The following UNC13C variants were observed in gnomAD, a reference collection of about 807,000 sequenced individuals.
UNC13C encodes the protein unc-13 homolog C.
Under a neutral mutation model 245.4 loss-of-function variants are expected in UNC13C, and 174 were observed. The ratio of observed to expected loss-of-function variants is 0.71; its 90% CI spans 0.63 to 0.80. The LOEUF (loss-of-function observed/expected upper bound fraction) is 0.80. Ranked by LOEUF, UNC13C falls within the 30% of genes least tolerant of loss-of-function variation. The probability of loss-of-function intolerance (pLI) is 0.00; values close to 1 mark genes in which losing one functional copy is unlikely to be tolerated. For missense variants in UNC13C, 2,829 were observed against 2,602.9 expected, an observed-to-expected ratio of 1.09 and a Z score of -1.89; for synonymous variants, 992 against 895.1, an observed-to-expected ratio of 1.11 and a Z score of -1.93.
intron 4 of UNC13C, among the ~76,000 whole-genome samples, chr15:54,199,117 G>C (rs182557888): frequency 7.5e-4 from 114 of 151,970 alleles, no homozygotes; most frequent in African/African-American, 2.7e-3. Context: ...CAGGCTTTCC[G>C]AGTTAACCCA....
At chr15:54,590,672 C>A (rs533106941) in intron 30 of UNC13C, among the ~76,000 whole-genome samples, 1 of 152,216 alleles carries the variant, frequency 6.6e-6, no homozygotes, top group Admixed American at 6.5e-5. Flanking sequence ...AATTCCTTTA[C>A]CAGTTGTATG....
chr15:54,220,396 T>A (rs1315116448), intron 4 of UNC13C, among the ~76,000 whole-genome samples: 1 of 131,586 alleles, frequency 7.6e-6, no homozygotes, highest in African/African-American at 3.0e-5. Context: ...AATTGAACAA[T>A]GAGAACACAT....
intron 4 of UNC13C, among the ~76,000 whole-genome samples, chr15:54,223,276 G>A (rs1010729492): frequency 6.6e-6 from 1 of 152,078 alleles, no homozygotes; most frequent in Non-Finnish European, 1.5e-5. Flanking sequence ...CGTATACGGT[G>A]AGGGATAGGA....
intron 2 of UNC13C, among the ~76,000 whole-genome samples, chr15:54,111,239 A>G (rs1043845795): frequency 6.6e-6 from 1 of 152,220 alleles, no homozygotes; most frequent in Non-Finnish European, 1.5e-5. Context: ...GTGGCTTCCC[A>G]TAATGCTGAG....
chr15:53,884,559 T>G, the UNC13C span, among the ~76,000 whole-genome samples: 1 of 152,146 alleles, frequency 6.6e-6, no homozygotes, highest in Non-Finnish European at 1.5e-5. Flanking sequence ...AGTCTCAAAC[T>G]TCTGGCCTGA....
chr15:54,567,287 T>G (rs1897556837), intron 29 of UNC13C, among the ~76,000 whole-genome samples: 1 of 152,158 alleles, frequency 6.6e-6, no homozygotes, highest in Admixed American at 6.6e-5. Context: ...CCACTCTGCT[T>G]CGTCAGGTTG....
At chr15:53,845,493 A>G in the UNC13C span, among the ~76,000 whole-genome samples, 1 of 152,068 alleles carries the variant, frequency 6.6e-6, no homozygotes, top group Non-Finnish European at 1.5e-5. Context: ...CCTTCAACAC[A>G]ATGTCCTATG....
At chr15:54,249,236 T>G (rs75134652) in intron 7 of UNC13C, among the ~76,000 whole-genome samples, 1 of 32,816 alleles carries the variant, frequency 3.0e-5, no homozygotes, top group African/African-American at 2.3e-4. Flanking sequence ...TGGTGGTTTG[T>G]TTTTTTTTTT....
chr15:54,624,960 A>G (rs868566026), intron 32 of UNC13C, among the ~76,000 whole-genome samples: 1 of 152,182 alleles, frequency 6.6e-6, no homozygotes, highest in Non-Finnish European at 1.5e-5. Context: ...AGAAAGAGTC[A>G]TTACTAAAAT....
the UNC13C span, among the ~76,000 whole-genome samples, chr15:53,838,639 C>A: frequency 2.0e-5 from 3 of 151,844 alleles, no homozygotes; most frequent in Non-Finnish European, 4.4e-5. Context: ...ATTTATATAT[C>A]TTTTAATTTG....
At chr15:53,882,987 AC>A in the UNC13C span, among the ~76,000 whole-genome samples, 3 of 151,896 alleles carry the variant, frequency 2.0e-5, no homozygotes, top group African/African-American at 7.3e-5. Flanking sequence ...CTGTACAACC[AC>A]CCGTATGACA....
intron 24 of UNC13C, among the ~76,000 whole-genome samples, chr15:54,523,170 T>C (rs1895299025): frequency 6.6e-6 from 1 of 152,184 alleles, no homozygotes; most frequent in Non-Finnish European, 1.5e-5. Context: ...TTTGGACACA[T>C]AGAGTAATGC....
chr15:54,096,053 TG>T (rs540543635), intron 2 of UNC13C, among the ~76,000 whole-genome samples: 6 of 152,120 alleles, frequency 3.9e-5, no homozygotes, highest in Non-Finnish European at 8.8e-5. Flanking sequence ...AAGGCAACAA[TG>T]GGGGCAATAC....
At chr15:53,876,451 C>T in the UNC13C span, among the ~76,000 whole-genome samples, 14 of 152,134 alleles carry the variant, frequency 9.2e-5, no homozygotes, top group African/African-American at 2.7e-4. Flanking sequence ...TTCAGAGGCT[C>T]CATGTTATCT....
intron 8 of UNC13C, among the ~76,000 whole-genome samples, chr15:54,252,102 T>C (rs1404705666): frequency 6.6e-6 from 1 of 152,158 alleles, no homozygotes; most frequent in African/African-American, 2.4e-5. Context: ...AAAAAGTGAA[T>C]TGCGTATAGG....
intron 19 of UNC13C, among the ~76,000 whole-genome samples, chr15:54,424,875 T>C (rs890319776): frequency 6.6e-6 from 1 of 151,844 alleles, no homozygotes; most frequent in African/African-American, 2.4e-5. Context: ...TAGTGTATTG[T>C]GCTGTGCTCT....
intron 19 of UNC13C, among the ~76,000 whole-genome samples, chr15:54,487,766 C>CAAAAAA (rs5812760): frequency 6.1e-4 from 38 of 62,666 alleles, no homozygotes; most frequent in African/African-American, 8.4e-4. Flanking sequence ...GATTCCATCT[C>CAAAAAA]AAAAAAAAAA....
chr15:54,223,203 T>G (rs1472506212), intron 4 of UNC13C, among the ~76,000 whole-genome samples: 1 of 152,170 alleles, frequency 6.6e-6, no homozygotes, highest in Non-Finnish European at 1.5e-5. Flanking sequence ...CCACATTTTC[T>G]TCTAGTAGTT....
At chr15:54,356,736 A>T (rs2039103491) in intron 17 of UNC13C, among the ~76,000 whole-genome samples, 1 of 152,186 alleles carries the variant, frequency 6.6e-6, no homozygotes, top group Admixed American at 6.5e-5. Flanking sequence ...TTTAGCAATA[A>T]AACATATGAT....
Sources: allele counts gnomAD v4.1 joint callset (sites outside exome capture counted in the v4.1 genomes callset), GRCh38; gene constraint gnomAD v4.1.1; transcripts MANE v1.5; gene names NCBI Gene and HGNC (gene_info 2026-07-23, HGNC 2026-07-21).